NWD2: variants seen among roughly 807,000 people sequenced by gnomAD.
The protein encoded by NWD2 is NACHT and WD repeat domain containing 2.
A neutral mutation model predicts 132.7 loss-of-function variants in NWD2; 37 were observed. The ratio of observed to expected loss-of-function variants is 0.28; its 90% CI spans 0.21 to 0.37. NWD2 has a LOEUF of 0.37. NWD2 is among the 10% of genes least tolerant of loss of function. The pLI is 1.00. For synonymous variants in NWD2, 705 were observed against 803.0 expected (o/e 0.88, Z 2.06); for missense variants, 1,592 against 2,122.4 (o/e 0.75, Z 4.91).
chr4:37,267,170 G>A (rs569013798), intron 1 of NWD2, among the ~76,000 whole-genome samples: 1 of 152,004 alleles, frequency 6.6e-6, no homozygotes, highest in East Asian at 1.9e-4. Context: ...TTCTATGACT[G>A]TACGGCTAGA....
intron 1 of NWD2, among the ~76,000 whole-genome samples, chr4:37,322,940 T>A (rs1577667784): frequency 6.6e-6 from 1 of 152,166 alleles, no homozygotes; most frequent in East Asian, 1.9e-4. Flanking sequence ...ATTCCATCGG[T>A]CATTGCAAAG....
chr4:37,433,767 A>G (rs1712239633), intron 4 of NWD2, 109 bp from the exon 5 acceptor site: 1 of 739,282 alleles, frequency 1.4e-6, no homozygotes, highest in Admixed American at 3.0e-5. Context: ...AGCACCTATC[A>G]TAGTATTGGC....
chr4:37,276,078 CA>C (rs1718005874), intron 1 of NWD2, among the ~76,000 whole-genome samples: 1 of 152,052 alleles, frequency 6.6e-6, no homozygotes, highest in Admixed American at 6.5e-5. Context: ...GCAATGGCAA[CA>C]AAAGCCAACA....
At chr4:37,396,974 A>G (rs1004012922) in intron 3 of NWD2, among the ~76,000 whole-genome samples, 1 of 151,968 alleles carries the variant, frequency 6.6e-6, no homozygotes, top group Admixed American at 6.6e-5. Flanking sequence ...CGGAGGTTGC[A>G]GTGAGCCAAG....
chr4:37,445,762 T>C lies in NWD2; in HGVS notation c.3774T>C (p.Phe1258=), dbSNP rs901317201. The C allele has an allele frequency of 1.3e-6, 2 of 1,551,850 alleles. No homozygotes were observed. Among genetic ancestry groups the C allele is most frequent in the African/African-American group, 1.4e-5 (1 of 73,152 alleles). ...ATMENTSAVF[F]WRRDTGQCMA... The stretch of plus-strand genomic sequence containing the variant: ...TGGAAAATACCTCAGCTGTGTTTTT[T>C]TGGAGGCGGGACACAGGACAGTGTA... The change falls in exon 7 of 7, where the codon TTT becomes TTC. Residue 1258 remains phenylalanine, a synonymous_variant. Transcript: ENST00000309447. This position sits in a 1 kb window ranked among gnomAD's most constrained non-coding sequence, Gnocchi z 4.7.
chr4:37,402,633 A>G (rs1033813939), intron 3 of NWD2, among the ~76,000 whole-genome samples: 2 of 152,202 alleles, frequency 1.3e-5, no homozygotes, highest in Admixed American at 6.5e-5. Context: ...TGAAGTTCTC[A>G]TATGAAGAAG....
chr4:37,357,998 G>A (rs1304490775), intron 3 of NWD2, among the ~76,000 whole-genome samples: 1 of 152,128 alleles, frequency 6.6e-6, no homozygotes, highest in African/African-American at 2.4e-5. Context: ...TGAATAGGGA[G>A]GAGGGCATGG....
chr4:37,280,040 A>G (rs1290671570), intron 1 of NWD2, among the ~76,000 whole-genome samples: 1 of 152,168 alleles, frequency 6.6e-6, no homozygotes, highest in African/African-American at 2.4e-5. Flanking sequence ...TTTTCCCTTT[A>G]TATATCCAGA....
intron 1 of NWD2, among the ~76,000 whole-genome samples, chr4:37,293,118 A>G (rs1048052957): frequency 2.6e-5 from 4 of 152,206 alleles, no homozygotes; most frequent in Non-Finnish European, 4.4e-5. Context: ...TTCTTTTTCA[A>G]CAAAATGTTT....
intron 2 of NWD2, among the ~76,000 whole-genome samples, chr4:37,342,303 T>C (rs111922710): frequency 2.1e-3 from 327 of 152,210 alleles, no homozygotes; most frequent in Non-Finnish European, 3.7e-3. Flanking sequence ...TGTGACTCAC[T>C]TGCTCCCTCT....
rs528084266 is a variant in NWD2, at chr4:37,314,135, A to G, written c.152-11801A>G. ...TTTACAAACATTAAAGTAACATTGC[A>G]TTTCTGCAATAAATCCCACTTGATT... On this transcript the variant is annotated intron_variant, in intron 1 of 6. Coordinates refer to ENST00000309447, the MANE Select transcript of NWD2 (RefSeq NM_001144990.2). 6.6e-5 allele frequency among the ~76,000 whole-genome samples: 10 copies of G among 152,322 alleles called. No homozygotes were observed. The South Asian group carries it at 2.1e-3, about 32-fold the overall frequency.
Position 37,359,958 on chromosome 4 carries a change from A to G in NWD2, c.357+3476A>G, listed in dbSNP as rs1261698320. Among the ~76,000 whole-genome samples the G allele has an allele frequency of 3.3e-5, 5 of 152,328 alleles. No homozygotes were observed. In the East Asian group the frequency reaches 7.7e-4, roughly 24 times the overall value. ...ACTAGCTTGGGAAACATTGTAAAGC[A>G]TACATCATCTTACTGAGAAGAACAA... On this transcript the variant is annotated intron_variant, in intron 3 of 6. Coordinates refer to ENST00000309447, the MANE Select transcript of NWD2 (RefSeq NM_001144990.2).
chr4:37,365,142 GAAAAC>G (rs1238663817), intron 3 of NWD2, among the ~76,000 whole-genome samples: 17 of 152,038 alleles, frequency 1.1e-4, no homozygotes, highest in African/African-American at 2.4e-5. Context: ...TTTAGTAAAA[GAAAAC>G]TATATGATGA....
intron 3 of NWD2, among the ~76,000 whole-genome samples, chr4:37,384,703 A>T (rs1720523424): frequency 6.6e-6 from 1 of 152,224 alleles, no homozygotes; most frequent in Non-Finnish European, 1.5e-5. Context: ...GCACAAAGTC[A>T]TTCAGCCTCC....
At chr4:37,379,707 T>G (rs2109308052) in intron 3 of NWD2, among the ~76,000 whole-genome samples, 1 of 152,236 alleles carries the variant, frequency 6.6e-6, no homozygotes, top group South Asian at 2.1e-4. Context: ...AGGTTTTGTT[T>G]TTGTTTTGCC....
At chr4:37,356,636 T>C (rs1469388903) in intron 3 of NWD2, among the ~76,000 whole-genome samples, 154 bp downstream of exon 3, 1 of 152,228 alleles carries the variant, frequency 6.6e-6, no homozygotes, top group Admixed American at 6.5e-5. Context: ...GCTCTCAATG[T>C]ATGAGAACAA....
chr4:37,275,759 C>T (rs546940865), intron 1 of NWD2, among the ~76,000 whole-genome samples: 3 of 152,150 alleles, frequency 2.0e-5, no homozygotes, highest in African/African-American at 4.8e-5. Context: ...AGATATAGAC[C>T]AATGGAACAG....
chr4:37,398,707 G>T (rs555713653), intron 3 of NWD2, among the ~76,000 whole-genome samples: 1 of 152,082 alleles, frequency 6.6e-6, no homozygotes, highest in East Asian at 1.9e-4. Context: ...GCAAGTATTC[G>T]TGACTAAACA....
chr4:37,439,014 C>T lies in NWD2; in HGVS notation c.920C>T (p.Pro307Leu). The change falls in exon 6 of 7, where the codon CCT becomes CTT. Residue 307 changes from proline (P) to leucine (L), a missense_variant. Coordinates refer to ENST00000309447, the MANE Select transcript of NWD2 (RefSeq NM_001144990.2). This position sits in a 1 kb window ranked among gnomAD's most constrained non-coding sequence, Gnocchi z 4.5. ...KLIKLRDEFI[P>L]TIVASSNLRV... ...ATAAAACTCAGGGATGAATTTATTC[C>T]TACTATTGTTGCATCATCTAATCTG... 6.4e-7 allele frequency: 1 copy of T among 1,551,740 alleles called. No individual in the cohort carries two copies. The highest frequency in any genetic ancestry group is 1.2e-5 in the South Asian group (1 of 84,056).
Sources: gnomAD v4.1 joint callset for allele counts (sites outside exome capture counted in the v4.1 genomes callset) on GRCh38, gnomAD v4.1.1 for gene constraint, Gnocchi (gnomAD v3.1) non-coding constraint, MANE v1.5 for transcripts, NCBI Gene and HGNC (gene_info 2026-07-23, HGNC 2026-07-21) for gene names.